The following LATS2 variants were observed in gnomAD, a reference collection of about 807,000 sequenced individuals.
The protein encoded by LATS2 is large tumor suppressor kinase 2, also known as serine/threonine-protein kinase LATS2.
A neutral mutation model predicts 76.0 loss-of-function variants in LATS2; 24 were observed. That is an observed-to-expected ratio of 0.32 (90% CI 0.23 to 0.44). The LOEUF is 0.44. Among genes scored for constraint, LATS2 ranks in the 20% least tolerant of loss-of-function variants. LATS2 has a pLI of 1.00. For missense variants in LATS2, 1,286 were observed against 1,481.2 expected, an observed-to-expected ratio of 0.87 and a Z score of 2.16; for synonymous variants, 692 against 635.4, an observed-to-expected ratio of 1.09 and a Z score of -1.34.
chr13:21,018,636 C>T (rs1373985595), intron 2 of LATS2, among the ~76,000 whole-genome samples: 1 of 152,114 alleles, frequency 6.6e-6, no homozygotes, highest in Non-Finnish European at 1.5e-5. Context: ...CAAGACTCTC[C>T]GAGCCTTCTT....
intron 2 of LATS2, among the ~76,000 whole-genome samples, chr13:21,035,477 A>G (rs1385912359): frequency 6.6e-6 from 1 of 152,184 alleles, no homozygotes; most frequent in Non-Finnish European, 1.5e-5. Context: ...CTGGAGACCC[A>G]GAACTCGGAG....
At chr13:21,031,785 G>A (rs529608364) in intron 2 of LATS2, among the ~76,000 whole-genome samples, 86 of 152,208 alleles carry the variant, frequency 5.7e-4, no homozygotes, top group Admixed American at 4.1e-3. Context: ...GCTTGAGCCC[G>A]GGAAGGCTGC....
intron 6 of LATS2, 44 bp downstream of exon 6, chr13:20,981,422 G>A: frequency 6.4e-7 from 1 of 1,568,842 alleles, no homozygotes; most frequent in Non-Finnish European, 8.7e-7. Context: ...CACGTCTGAA[G>A]GGAAGGAGAC....
At position 20,988,301 on chromosome 13, in the gene LATS2, C is replaced by T. The variant is rs770929099; in HGVS notation, c.1479G>A (p.Ala493=). 4 of 1,553,448 alleles carry T rather than the reference C, an allele frequency of 2.6e-6. No individual in the cohort carries two copies. The highest frequency in any genetic ancestry group is 3.5e-6 in the Non-Finnish European group (4 of 1,157,390). ...GCGGGAAGGCGCCTGCGCCGCCCAG[C>T]GCCAGGGCATGCTCCTCCTTGGCGT... The part of the protein sequence containing the change: ...GLDAKEEHAL[A]LGGAGAFPLD... The change falls in exon 4 of 8, where the codon GCG becomes GCA. Residue 493 remains alanine (A), a synonymous_variant. Coordinates refer to ENST00000382592, the MANE Select transcript of LATS2 (RefSeq NM_014572.3).
chr13:21,032,993 G>A (rs1321565157), intron 2 of LATS2, among the ~76,000 whole-genome samples: 1 of 152,112 alleles, frequency 6.6e-6, no homozygotes, highest in African/African-American at 2.4e-5. Flanking sequence ...AGATCAGATT[G>A]GAAGAGGATG....
chr13:21,020,024 T>G (rs1168938087), intron 2 of LATS2, among the ~76,000 whole-genome samples: 1 of 151,566 alleles, frequency 6.6e-6, no homozygotes, highest in Non-Finnish European at 1.5e-5. Flanking sequence ...ATTGGCATAC[T>G]TTTCTAGAGA....
At chr13:21,055,947 C>T (rs139034311) in intron 1 of LATS2, among the ~76,000 whole-genome samples, 7 of 152,328 alleles carry the variant, frequency 4.6e-5, no homozygotes, top group African/African-American at 1.7e-4. Flanking sequence ...CCAAGGGCTA[C>T]CTCTCATAAT....
chr13:20,994,854 C>CAA (rs34133833), intron 2 of LATS2, among the ~76,000 whole-genome samples: 100,754 of 144,270 alleles, frequency 0.7, 35,807 homozygotes, highest in Middle Eastern at 0.79. Flanking sequence ...GAATGTGTCT[C>CAA]AAAAAAAAAA....
At position 20,974,800 on chromosome 13, in the gene LATS2, G is replaced by C; in HGVS notation, c.*70C>G. On this transcript the variant is annotated 3_prime_UTR_variant, in exon 8 of 8. Transcript: ENST00000382592. ...AAAACAGCCCTCGGCTTCCCTATTG[G>C]CCTGTGAGGGCACCGGCTCCGGGAC... The C allele has an allele frequency of 6.7e-7, 1 of 1,501,912 alleles. No homozygotes were observed. The highest frequency in any genetic ancestry group is 8.9e-7 in the Non-Finnish European group (1 of 1,117,782). The allele number at this position is 1,501,912 out of a possible 1,614,324, so 93.0% of individuals were successfully genotyped here. A position where few individuals can be genotyped will look rare whatever the true frequency, so the allele number is the denominator to read the frequency against.
chr13:21,006,962 T>G (rs1871287976), intron 2 of LATS2, among the ~76,000 whole-genome samples: 1 of 152,160 alleles, frequency 6.6e-6, no homozygotes. Context: ...GTCAAGTAGG[T>G]TGGAAGATCT....
chr13:21,014,572 G>A (rs1871726619), intron 2 of LATS2, among the ~76,000 whole-genome samples: 1 of 152,200 alleles, frequency 6.6e-6, no homozygotes, highest in Non-Finnish European at 1.5e-5. Flanking sequence ...GCTGAGGATG[G>A]ATGCTAGGAG....
chr13:21,017,718 G>A (rs777979479), intron 2 of LATS2, among the ~76,000 whole-genome samples: 4 of 151,660 alleles, frequency 2.6e-5, no homozygotes, highest in Non-Finnish European at 5.9e-5. Flanking sequence ...CTCCGTCTCC[G>A]GGGTTCAAGT....
intron 2 of LATS2, among the ~76,000 whole-genome samples, chr13:20,994,474 G>C (rs1870654646): frequency 6.6e-6 from 1 of 152,256 alleles, no homozygotes; most frequent in Admixed American, 6.5e-5. Context: ...GAGTCACAGA[G>C]TGAAGACAAG....
chr13:21,061,136 GCCGGGCGGGGGCGGCT>G (rs1294409407), intron 1 of LATS2, among the ~76,000 whole-genome samples, 194 bp downstream of exon 1: 1 of 151,760 alleles, frequency 6.6e-6, no homozygotes, highest in Non-Finnish European at 1.5e-5. Flanking sequence ...ACTACGAGCC[GCCGGGCGGGGGCGGCT>G]CCGGGCGGGC....
In LATS2 at chr13:20,983,462, G is replaced by A; in HGVS notation, c.2244C>T (p.Ile748=). The A allele has an allele frequency of 1.1e-5, 18 of 1,614,078 alleles. No homozygotes were observed. The highest frequency in any genetic ancestry group is 1.7e-5 in the Admixed American group (1 of 60,010). The change falls in exon 5 of 8, where the codon ATC becomes ATT. Residue 748 remains isoleucine (I), a synonymous_variant. Coordinates refer to ENST00000382592, the MANE Select transcript of LATS2 (RefSeq NM_014572.3). ...GCAGGCTCATCATGTCCCCACCAGGGATGTAGTCCATCACAAAGTACAGGC... is the reference window on the plus strand; with the variant it reads ...GCAGGCTCATCATGTCCCCACCAGGAATGTAGTCCATCACAAAGTACAGGC... The part of the protein sequence containing the change: ...KDSLYFVMDY[I]PGGDMMSLLI...
At chr13:21,035,711 T>C (rs1030023009) in intron 2 of LATS2, among the ~76,000 whole-genome samples, 14 of 152,174 alleles carry the variant, frequency 9.2e-5, no homozygotes, top group African/African-American at 3.1e-4. Context: ...AAAATGCTAA[T>C]ATCTGTACTG....
intron 2 of LATS2, among the ~76,000 whole-genome samples, chr13:21,030,591 C>CAAAAAAAAAAAAAAAAAA (rs374884189): frequency 1.1e-3 from 28 of 25,460 alleles, no homozygotes; most frequent in Non-Finnish European, 1.7e-3. Context: ...GACTCCGTCT[C>CAAAAAAAAAAAAAAAAAA]AAAAAAAAAA....
chr13:21,033,349 A>C (rs190929167), intron 2 of LATS2, among the ~76,000 whole-genome samples: 65 of 152,152 alleles, frequency 4.3e-4, no homozygotes, highest in Admixed American at 4.3e-3. Flanking sequence ...GAAATCCTGA[A>C]AGGAGGAGTC....
In LATS2 at chr13:20,988,186, C is replaced by T. The variant is rs1870259791; in HGVS notation, c.1594G>A (p.Asp532Asn). Reference sequence around the variant, plus strand: ...ATGCCTGCGCACAGGCTGTCCAGGTCGTACTGCTCCGACTTGCTGCGCAGC... The same window carrying T: ...ATGCCTGCGCACAGGCTGTCCAGGTTGTACTGCTCCGACTTGCTGCGCAGC... ...LLLRSKSEQY[D>N]LDSLCAGMEQ... is the part of the protein sequence containing the mutation. The change falls in exon 4 of 8, where the codon GAC (aspartate) becomes AAC (asparagine). Residue 532 changes from aspartate to asparagine, a missense_variant. This residue lies in a region of LATS2 where 710 missense variants were observed against 660.9 expected (regional missense o/e 1.07). Coordinates refer to ENST00000382592, the MANE Select transcript of LATS2 (RefSeq NM_014572.3). 4.3e-6 allele frequency: 7 copies of T among 1,613,210 alleles called. No homozygotes were observed. The highest frequency in any genetic ancestry group is 5.1e-6 in the Non-Finnish European group (6 of 1,179,886).
Sources: allele counts gnomAD v4.1 joint callset (sites outside exome capture counted in the v4.1 genomes callset), GRCh38; gene constraint gnomAD v4.1.1; regional missense constraint gnomAD v4.1.1; transcripts MANE v1.5; gene names NCBI Gene and HGNC (gene_info 2026-07-23, HGNC 2026-07-21).